The following GPR158 variants were observed in gnomAD, a reference collection of about 807,000 sequenced individuals.
GPR158 encodes metabotropic glycine receptor.
GPR158 carries 30 observed loss-of-function variants against 78.2 expected under a neutral mutation model. The observed-to-expected ratio is 0.38, with a 90% CI of 0.29 to 0.52. The LOEUF (loss-of-function observed/expected upper bound fraction) is 0.52. GPR158 is among the 20% of genes least tolerant of loss of function. The pLI, the probability that GPR158 is intolerant of heterozygous loss-of-function variation, is 0.83. For missense variants in GPR158, 1,463 were observed against 1,523.5 expected (o/e 0.96, Z 0.66); for synonymous variants, 581 against 591.1 (o/e 0.98, Z 0.25).
At chr10:25,279,141 C>CACT (rs568992063) in intron 2 of GPR158, among the ~76,000 whole-genome samples, 83 of 152,178 alleles carry the variant, frequency 5.5e-4, no homozygotes, top group South Asian at 4.2e-3. Context: ...TAAATGACAA[C>CACT]ACTACTACTA....
At chr10:25,551,106 G>T in intron 6 of GPR158, 21 bp downstream of exon 6, 1 of 1,285,730 alleles carries the variant, frequency 7.8e-7, no homozygotes, top group Non-Finnish European at 1.1e-6. Flanking sequence ...TTTATTCATC[G>T]TCATTCTCAT....
intron 7 of GPR158, among the ~76,000 whole-genome samples, chr10:25,576,163 G>A (rs1428840022): frequency 6.6e-6 from 1 of 152,030 alleles, no homozygotes; most frequent in Non-Finnish European, 1.5e-5. Context: ...CCAAGGGAGT[G>A]TACATTGTAC....
chr10:25,543,792 A>G (rs2130705971), intron 5 of GPR158, among the ~76,000 whole-genome samples: 1 of 152,290 alleles, frequency 6.6e-6, no homozygotes, highest in East Asian at 1.9e-4. Context: ...CTTGCTACAA[A>G]AGATAAAATT....
chr10:25,560,709 A>G (rs1836849381), intron 6 of GPR158, among the ~76,000 whole-genome samples: 2 of 152,248 alleles, frequency 1.3e-5, no homozygotes, highest in Non-Finnish European at 2.9e-5. Flanking sequence ...CATATTTACA[A>G]AGAATTTTGT....
intron 2 of GPR158, among the ~76,000 whole-genome samples, chr10:25,236,951 C>T (rs1472219845): frequency 6.6e-6 from 1 of 152,064 alleles, no homozygotes; most frequent in Non-Finnish European, 1.5e-5. Flanking sequence ...TCTTCAAAGA[C>T]ATCCTAGAAA....
chr10:25,263,747 G>A (rs1277746205), intron 2 of GPR158, among the ~76,000 whole-genome samples: 2 of 152,050 alleles, frequency 1.3e-5, no homozygotes, highest in Admixed American at 1.3e-4. Flanking sequence ...GACCAGCCTG[G>A]CCAACATGGT....
intron 2 of GPR158, among the ~76,000 whole-genome samples, chr10:25,384,557 G>A (rs1834197164): frequency 6.6e-6 from 1 of 151,940 alleles, no homozygotes; most frequent in Non-Finnish European, 1.5e-5. Flanking sequence ...TTTTAAAAAG[G>A]CATTTAAAGA....
intron 2 of GPR158, among the ~76,000 whole-genome samples, chr10:25,266,972 A>G (rs972270795): frequency 3.9e-5 from 6 of 152,182 alleles, no homozygotes; most frequent in Non-Finnish European, 8.8e-5. Context: ...TGTAATTGGC[A>G]ATTCCTTTCA....
intron 2 of GPR158, among the ~76,000 whole-genome samples, chr10:25,240,544 ACGC>A (rs368228029): frequency 7.2e-5 from 11 of 152,322 alleles, no homozygotes; most frequent in African/African-American, 2.6e-4. Context: ...ATCAGGATGC[ACGC>A]CTTTAAGAAT....
chr10:25,376,540 C>A (rs1323867487), intron 2 of GPR158, among the ~76,000 whole-genome samples: 3 of 151,596 alleles, frequency 2.0e-5, no homozygotes, highest in Non-Finnish European at 4.4e-5. Context: ...GTGATTTAAA[C>A]CATACATATT....
chr10:25,388,930 G>T (rs1379692572), intron 2 of GPR158, among the ~76,000 whole-genome samples: 1 of 152,204 alleles, frequency 6.6e-6, no homozygotes, highest in East Asian at 1.9e-4. Flanking sequence ...AACCTGACAG[G>T]GTGTGTGCTT....
chr10:25,565,878 A>G (rs1836922986), intron 6 of GPR158, among the ~76,000 whole-genome samples: 2 of 152,130 alleles, frequency 1.3e-5, no homozygotes, highest in South Asian at 4.1e-4. Context: ...TGAAAGTACA[A>G]AGCTTCCACA....
At chr10:25,549,971 C>T (rs1023405793) in intron 5 of GPR158, among the ~76,000 whole-genome samples, 16 of 152,288 alleles carry the variant, frequency 1.1e-4, no homozygotes, top group Non-Finnish European at 8.8e-5. Context: ...GCTGCTCCAG[C>T]AAAGATTGAG....
At chr10:25,472,343 C>G (rs1420651561) in intron 5 of GPR158, among the ~76,000 whole-genome samples, 89 of 152,158 alleles carry the variant, frequency 5.8e-4, no homozygotes, top group African/African-American at 1.9e-3. Context: ...GGTACCAGTA[C>G]CATGCTGTTT....
At chr10:25,430,102 C>A (rs1368013356) in intron 4 of GPR158, among the ~76,000 whole-genome samples, 1 of 147,418 alleles carries the variant, frequency 6.8e-6, no homozygotes, top group Non-Finnish European at 1.5e-5. Context: ...GATTGTATAT[C>A]TAGAAAACCC....
intron 5 of GPR158, among the ~76,000 whole-genome samples, chr10:25,525,293 A>T: frequency 6.6e-6 from 1 of 152,212 alleles, no homozygotes; most frequent in East Asian, 1.9e-4. Context: ...ACCAAGGGAA[A>T]TGAAAGCATA....
chr10:25,454,793 C>T (rs796621191), intron 4 of GPR158, among the ~76,000 whole-genome samples: 2 of 152,230 alleles, frequency 1.3e-5, no homozygotes, highest in African/African-American at 2.4e-5. Context: ...TCCTCCTTCT[C>T]CTTATAAGAT....
intron 3 of GPR158, among the ~76,000 whole-genome samples, chr10:25,410,942 TTC>T (rs1200803745): frequency 6.6e-6 from 1 of 152,196 alleles, no homozygotes; most frequent in Non-Finnish European, 1.5e-5. Flanking sequence ...AACTAAGACT[TTC>T]TGTTAAACTG....
chr10:25,583,139 C>T (rs911975012), intron 7 of GPR158, among the ~76,000 whole-genome samples: 1 of 152,150 alleles, frequency 6.6e-6, no homozygotes, highest in Non-Finnish European at 1.5e-5. Flanking sequence ...GGGCTCTGTG[C>T]TTCCAGAGAG....
Sources: allele counts gnomAD v4.1 joint callset (sites outside exome capture counted in the v4.1 genomes callset), GRCh38; gene constraint gnomAD v4.1.1; transcripts MANE v1.5; gene names NCBI Gene and HGNC (gene_info 2026-07-23, HGNC 2026-07-21).